The following NUDCD1 variants were observed in gnomAD, a reference collection of about 807,000 sequenced individuals.
NUDCD1 encodes nudC domain-containing protein 1.
NUDCD1 carries 60 observed loss-of-function variants against 67.8 expected under a neutral mutation model. That is an observed-to-expected ratio of 0.88 (90% CI 0.72 to 1.10). The LOEUF (loss-of-function observed/expected upper bound fraction) is 1.10. Among genes scored for constraint, NUDCD1 ranks in the 50% least tolerant of loss-of-function variants. NUDCD1 has a pLI of 0.00. For missense variants in NUDCD1, 643 were observed against 695.0 expected, an observed-to-expected ratio of 0.93 and a Z score of 0.84; for synonymous variants, 244 against 230.8, an observed-to-expected ratio of 1.06 and a Z score of -0.52.
chr8:109,325,044 C>T (rs916322615), intron 1 of NUDCD1, among the ~76,000 whole-genome samples: 12 of 152,048 alleles, frequency 7.9e-5, no homozygotes, highest in Non-Finnish European at 1.3e-4. Flanking sequence ...GAGCCGAGAT[C>T]GCTCCACTGC....
chr8:109,262,479 G>T (rs1346093702), intron 8 of NUDCD1, among the ~76,000 whole-genome samples: 2 of 152,166 alleles, frequency 1.3e-5, no homozygotes, highest in South Asian at 2.1e-4. Context: ...CTCACCATTT[G>T]AAAGAAACAC....
rs1214804580 is a variant in NUDCD1, at chr8:109,296,557, C to T, written c.286G>A (p.Gly96Arg). 2.5e-6 allele frequency: 4 copies of T among 1,604,836 alleles called. No homozygotes were observed. The highest frequency in any genetic ancestry group is 3.4e-6 in the Non-Finnish European group (4 of 1,173,424). Reference protein sequence around the residue: ...NLTVMLDTALGKPREVFRLPT... With the variant: ...NLTVMLDTALRKPREVFRLPT... ...AGTCGAAACACCTCTCGTGGTTTTC[C>T]TAAGGCAGTGTCCTAAAAAGACCAA... The change falls in exon 3 of 10, where the codon GGA becomes AGA. Residue 96 changes from glycine to arginine, a missense_variant. By Grantham distance (125) the Gly-to-Arg change is moderately radical. Coordinates refer to ENST00000239690, the MANE Select transcript of NUDCD1 (RefSeq NM_032869.4).
chr8:109,332,613 C>G (rs1423692986), intron 1 of NUDCD1, among the ~76,000 whole-genome samples: 1 of 152,182 alleles, frequency 6.6e-6, no homozygotes, highest in Non-Finnish European at 1.5e-5. Context: ...ATGAGCCCAA[C>G]TAGGACTAGA....
At chr8:109,291,256 A>G (rs1326039672) in intron 4 of NUDCD1, among the ~76,000 whole-genome samples, 1 of 152,174 alleles carries the variant, frequency 6.6e-6, no homozygotes, top group Non-Finnish European at 1.5e-5. Flanking sequence ...CCCAGGCTCA[A>G]GCAATCCTCC....
At chr8:109,248,102 A>T (rs904879407) in intron 8 of NUDCD1, among the ~76,000 whole-genome samples, 1 of 152,188 alleles carries the variant, frequency 6.6e-6, no homozygotes, top group Non-Finnish European at 1.5e-5. Context: ...AATCAAGGGG[A>T]TAGACAGAGT....
At chr8:109,264,439 T>C (rs1813944963) in intron 8 of NUDCD1, among the ~76,000 whole-genome samples, 1 of 152,210 alleles carries the variant, frequency 6.6e-6, no homozygotes. Flanking sequence ...TGCTTATGTG[T>C]GTATCGGTTT....
chr8:109,267,655 A>T (rs1166772934), intron 8 of NUDCD1, among the ~76,000 whole-genome samples: 1 of 152,240 alleles, frequency 6.6e-6, no homozygotes, highest in Non-Finnish European at 1.5e-5. Context: ...AGTTTTAATT[A>T]TACACTAATT....
Position 109,333,948 on chromosome 8 carries a change from C to T in NUDCD1, c.63G>A (p.Glu21=), listed in dbSNP as rs747371784. 14 of 1,614,068 alleles carry T rather than the reference C, an allele frequency of 8.7e-6. No individual in the cohort carries two copies. The highest frequency in any genetic ancestry group is 8.3e-5 in the Admixed American group (5 of 60,008). Residue 21 remains glutamate (E), a synonymous_variant, in exon 1 of 10, where the codon GAG becomes GAA. Transcript: ENST00000239690. ...VKRPLLDPRF[E]GYKLSLEPLP... ...GCGGCTCAAGAGAGAGCTTGTAACC[C>T]TCGAAGCGGGGATCCAACAGAGGTC...
chr8:109,275,531 A>T, intron 6 of NUDCD1, 35 bp from the exon 7 acceptor site: 2 of 1,554,452 alleles, frequency 1.3e-6, no homozygotes, highest in Non-Finnish European at 1.8e-6. Flanking sequence ...ATGTTACATT[A>T]AGCAATTATA....
At chr8:109,330,685 C>T (rs1375969046) in intron 1 of NUDCD1, among the ~76,000 whole-genome samples, 2 of 152,122 alleles carry the variant, frequency 1.3e-5, no homozygotes, top group Admixed American at 1.3e-4. Context: ...GGTACACATA[C>T]GCCATGGAAT....
chr8:109,312,909 G>A (rs1407301536), intron 2 of NUDCD1, among the ~76,000 whole-genome samples: 1 of 152,146 alleles, frequency 6.6e-6, no homozygotes, highest in African/African-American at 2.4e-5. Context: ...CACTGTCAAG[G>A]CTACAAATAT....
rs138484500 is a variant in NUDCD1 at position 109,304,774 on chromosome 8, C to T, written c.274-8205G>A. Among the ~76,000 whole-genome samples, 238 of 152,262 alleles carry T rather than the reference C, an allele frequency of 1.6e-3. 4 individuals are homozygous for T. The East Asian group carries it at 0.017, about 11-fold the overall frequency. On this transcript the variant is annotated intron_variant, in intron 2 of 9. Coordinates refer to ENST00000239690, the MANE Select transcript of NUDCD1 (RefSeq NM_032869.4). ...CATCAGATCCCATCGCTCAGGGTAA[C>T]GCTTATGCTGATAATGTAGCTAAAG... is the stretch of plus-strand genomic sequence containing the variant.
intron 2 of NUDCD1, among the ~76,000 whole-genome samples, chr8:109,305,879 C>T (rs952320614): frequency 2.0e-5 from 3 of 152,178 alleles, no homozygotes; most frequent in Admixed American, 1.3e-4. Flanking sequence ...TCTCCTCTTC[C>T]TCCTGGAAGT....
intron 5 of NUDCD1, among the ~76,000 whole-genome samples, chr8:109,287,308 A>AT (rs1814598889): frequency 6.6e-6 from 1 of 152,188 alleles, no homozygotes; most frequent in Admixed American, 6.6e-5. Context: ...AAAATAAATA[A>AT]TTTTTTTGCC....
intron 5 of NUDCD1, among the ~76,000 whole-genome samples, chr8:109,287,570 T>C (rs766680056): frequency 1.3e-5 from 2 of 152,116 alleles, no homozygotes; most frequent in Non-Finnish European, 2.9e-5. Context: ...ACCTCACTTA[T>C]AAGTGTGAGC....
chr8:109,322,458 C>A lies in NUDCD1; in HGVS notation c.124G>T (p.Ala42Ser), dbSNP rs1332148057. ...TGATCATCTCGAAGTTTTACCTCTGCCACAGCTGAAATACAAGAAAAGCAA... is the reference window on the plus strand; with the variant it reads ...TGATCATCTCGAAGTTTTACCTCTGACACAGCTGAAATACAAGAAAAGCAA... The part of the protein sequence containing the change: ...CYQLELDAAV[A>S]EVKLRDDQYT... The change falls in exon 2 of 10, where the codon GCA becomes TCA. Residue 42 changes from alanine (A) to serine (S), a missense_variant. By Grantham distance (99) the Ala-to-Ser change is moderately conservative. Coordinates refer to ENST00000239690, the MANE Select transcript of NUDCD1 (RefSeq NM_032869.4). The A allele has an allele frequency of 6.3e-6, 10 of 1,582,186 alleles. No individual in the cohort carries two copies. The highest frequency in any genetic ancestry group is 6.0e-6 in the Non-Finnish European group (7 of 1,157,648).
Position 109,302,764 on chromosome 8 carries a change from G to A in NUDCD1, c.274-6195C>T, listed in dbSNP as rs551242526. Among the ~76,000 whole-genome samples, 110 of 152,198 alleles carry A rather than the reference G, an allele frequency of 7.2e-4. 1 individual carries two copies. Among genetic ancestry groups the A allele is most frequent in the South Asian group, 3.1e-3 (15 of 4,818 alleles). The stretch of plus-strand genomic sequence containing the variant: ...TGAAACCCAGCCCAGTCCATGGCCC[G>A]TTTGGCAACAACCCTCAGACGCTTT... On this transcript the variant is annotated intron_variant, in intron 2 of 9. Transcript: ENST00000239690.
In NUDCD1 at chr8:109,240,938, T is replaced by C. The variant is rs1048418710; in HGVS notation, c.*2071A>G. The C allele has an allele frequency of 1.3e-5, 2 of 152,178 alleles. No homozygotes were observed. The highest frequency in any genetic ancestry group is 4.8e-5 in the African/African-American group (2 of 41,454). 9.4% of individuals were successfully genotyped at this position (152,178 alleles called of 1,614,324 possible). ...TTAATATGCAAAACACATAAAATAC[T>C]ACTTTATTACTATCATAAATATTTT... On this transcript the variant is annotated 3_prime_UTR_variant, in exon 10 of 10. Coordinates refer to ENST00000239690, the MANE Select transcript of NUDCD1 (RefSeq NM_032869.4).
At chr8:109,320,398 C>G (rs942055346) in intron 2 of NUDCD1, among the ~76,000 whole-genome samples, 1 of 152,190 alleles carries the variant, frequency 6.6e-6, no homozygotes, top group Non-Finnish European at 1.5e-5. Context: ...CGATATTTCT[C>G]CCATTTGCTT....
Sources: gnomAD v4.1 joint callset for allele counts (sites outside exome capture counted in the v4.1 genomes callset) on GRCh38, gnomAD v4.1.1 for gene constraint, MANE v1.5 for transcripts, NCBI Gene and HGNC (gene_info 2026-07-23, HGNC 2026-07-21) for gene names.